Variants in METTL25 observed in about 807,000 individuals in gnomAD.
The protein encoded by METTL25 is methyltransferase like 25, also known as probable methyltransferase-like protein 25.
In METTL25, 64 loss-of-function variants were observed where a neutral mutation model predicts 71.6. That is an observed-to-expected ratio of 0.89 (90% CI 0.73 to 1.10). The LOEUF (loss-of-function observed/expected upper bound fraction) is 1.10. METTL25 is among the 50% of genes least tolerant of loss of function. The pLI is 0.00. For synonymous variants in METTL25, 287 were observed against 250.3 expected, an observed-to-expected ratio of 1.15 and a Z score of -1.38; for missense variants, 807 against 707.0, an observed-to-expected ratio of 1.14 and a Z score of -1.60.
chr12:82,378,668 A>G (rs1242079463), intron 1 of METTL25, among the ~76,000 whole-genome samples: 1 of 152,180 alleles, frequency 6.6e-6, no homozygotes, highest in Non-Finnish European at 1.5e-5. Flanking sequence ...CTTATTAGTA[A>G]TTTAGTTATG....
At chr12:82,393,271 C>T in intron 3 of METTL25, among the ~76,000 whole-genome samples, 1 of 151,916 alleles carries the variant, frequency 6.6e-6, no homozygotes, top group South Asian at 2.1e-4. Context: ...CATGAAATAT[C>T]TTTCAGTTTT....
At chr12:82,456,004 A>G (rs532804400) in intron 8 of METTL25, among the ~76,000 whole-genome samples, 5 of 152,034 alleles carry the variant, frequency 3.3e-5, no homozygotes, top group Admixed American at 2.0e-4. Flanking sequence ...TGTTTTGAAT[A>G]TATTTTAAAG....
chr12:82,422,039 T>A (rs917431076), intron 5 of METTL25, among the ~76,000 whole-genome samples: 5 of 152,112 alleles, frequency 3.3e-5, no homozygotes, highest in African/African-American at 7.2e-5. Flanking sequence ...CCTTCCTAAC[T>A]CATTTTATGA....
rs1317041954 is a variant in METTL25, at chr12:82,399,169, A to T, written c.906A>T (p.Gln302His). 1 of 1,613,514 alleles carries T rather than the reference A, an allele frequency of 6.2e-7. No homozygotes were observed. Among genetic ancestry groups the T allele is most frequent in the Non-Finnish European group, 8.5e-7 (1 of 1,179,806 alleles). ...AAACCCTTCATTCTCAGCCACATCA[A>T]GAAGAAAATTTGTGTTTTGAAAATT... ...QMETLHSQPH[Q>H]EENLCFENSF... is the part of the protein sequence containing the mutation. Residue 302 changes from glutamine (Q) to histidine (H), a missense_variant, in exon 4 of 12, where the codon CAA (glutamine) becomes CAT (histidine). Transcript: ENST00000248306.
intron 5 of METTL25, among the ~76,000 whole-genome samples, chr12:82,417,443 A>G (rs1185692606): frequency 6.6e-6 from 1 of 152,204 alleles, no homozygotes; most frequent in African/African-American, 2.4e-5. Context: ...AAAGTATGCA[A>G]GCATATACGT....
intron 4 of METTL25, among the ~76,000 whole-genome samples, chr12:82,399,759 A>G (rs531325771): frequency 6.6e-6 from 1 of 152,316 alleles, no homozygotes; most frequent in South Asian, 2.1e-4. Context: ...GTTCAATGTT[A>G]CACTTGCCAA....
intron 5 of METTL25, among the ~76,000 whole-genome samples, chr12:82,417,355 C>T (rs1331765358): frequency 6.6e-6 from 1 of 152,008 alleles, no homozygotes; most frequent in African/African-American, 2.4e-5. Context: ...TGAATGAACT[C>T]AAAATATTAA....
intron 1 of METTL25, among the ~76,000 whole-genome samples, chr12:82,371,795 C>T (rs1424797524): frequency 6.6e-6 from 1 of 152,140 alleles, no homozygotes; most frequent in Non-Finnish European, 1.5e-5. Context: ...CCTGTAGCTG[C>T]TCAGGGAAGT....
chr12:82,436,010 G>A (rs1391318277), intron 7 of METTL25, among the ~76,000 whole-genome samples: 1 of 151,368 alleles, frequency 6.6e-6, no homozygotes, highest in Admixed American at 6.6e-5. Flanking sequence ...TGAGTCTGCA[G>A]TTCAAGCTCT....
chr12:82,376,813 A>G (rs557480225), intron 1 of METTL25, among the ~76,000 whole-genome samples: 2 of 152,182 alleles, frequency 1.3e-5, no homozygotes, highest in South Asian at 4.2e-4. Context: ...TTCTTTGCAA[A>G]CTTTAATATT....
intron 4 of METTL25, among the ~76,000 whole-genome samples, chr12:82,401,018 T>C (rs755219821): frequency 2.0e-5 from 3 of 152,178 alleles, no homozygotes; most frequent in African/African-American, 7.2e-5. Flanking sequence ...TATTTTTTAC[T>C]GATGACATCA....
intron 11 of METTL25, 141 bp from the exon 12 acceptor site, chr12:82,478,791 T>G: frequency 1.6e-6 from 1 of 631,676 alleles, no homozygotes; most frequent in Non-Finnish European, 2.6e-6. Flanking sequence ...GAATGTTAAT[T>G]TTGTTTAACA....
chr12:82,360,372 G>A (rs1387008072), intron 1 of METTL25, among the ~76,000 whole-genome samples: 1 of 151,892 alleles, frequency 6.6e-6, no homozygotes, highest in African/African-American at 2.4e-5. Context: ...GTCGATTTGT[G>A]GAATTATAAC....
chr12:82,408,013 C>T (rs1229038100), intron 5 of METTL25: 2 of 953,088 alleles, frequency 2.1e-6, no homozygotes, highest in Non-Finnish European at 1.2e-6. Context: ...CTAGCTGAGT[C>T]GAATTTGACA....
intron 4 of METTL25, among the ~76,000 whole-genome samples, chr12:82,400,563 A>G (rs1886522934): frequency 8.1e-6 from 1 of 122,974 alleles, no homozygotes; most frequent in African/African-American, 3.2e-5. Context: ...TTAGGGTTAA[A>G]CAATCTCAAT....
intron 9 of METTL25, among the ~76,000 whole-genome samples, chr12:82,473,376 C>G (rs1892678274): frequency 6.6e-6 from 1 of 152,114 alleles, no homozygotes; most frequent in African/African-American, 2.4e-5. Context: ...TTCAGCTGAC[C>G]TAGGGCATGT....
chr12:82,470,293 A>C (rs1037523915), intron 9 of METTL25, among the ~76,000 whole-genome samples: 9 of 152,190 alleles, frequency 5.9e-5, no homozygotes, highest in Admixed American at 2.6e-4. Context: ...ATAAAATAGG[A>C]GGTAGTCTCA....
chr12:82,403,173 T>C (rs1206984349), intron 5 of METTL25, 43 bp downstream of exon 5: 2 of 1,550,516 alleles, frequency 1.3e-6, no homozygotes, highest in Non-Finnish European at 1.8e-6. Flanking sequence ...CATTTGAGCA[T>C]AATGAAATAT....
chr12:82,419,264 G>T (rs964162881), intron 5 of METTL25, among the ~76,000 whole-genome samples: 11 of 152,068 alleles, frequency 7.2e-5, no homozygotes, highest in Admixed American at 5.2e-4. Context: ...AGGATTTAAG[G>T]CAGGAAGAGA....
Sources: gnomAD v4.1 joint callset for allele counts (sites outside exome capture counted in the v4.1 genomes callset) on GRCh38, gnomAD v4.1.1 for gene constraint, MANE v1.5 for transcripts, NCBI Gene and HGNC (gene_info 2026-07-23, HGNC 2026-07-21) for gene names.